The following RARB variants were observed in gnomAD, a reference collection of about 807,000 sequenced individuals.
RARB encodes retinoic acid receptor beta.
In RARB, 17 loss-of-function variants were observed where a neutral mutation model predicts 51.9. That is an observed-to-expected ratio of 0.33 (90% CI 0.22 to 0.49). RARB has a LOEUF of 0.49. RARB is among the 20% of genes least tolerant of loss of function. RARB has a pLI of 0.99. For missense variants in RARB, 369 were observed against 550.8 expected, an observed-to-expected ratio of 0.67 and a Z score of 3.30; for synonymous variants, 215 against 195.4, an observed-to-expected ratio of 1.10 and a Z score of -0.84.
chr3:25,033,760 G>GA (rs1559441555), intron 2 of RARB, among the ~76,000 whole-genome samples: 24 of 152,152 alleles, frequency 1.6e-4, no homozygotes, highest in Non-Finnish European at 3.4e-4. Flanking sequence ...ACACAGGGAA[G>GA]GGGATTCTTG....
exon 5 of RARB, chr3:25,174,522 A>G (rs770378252): frequency 3.7e-6 from 5 of 1,351,916 alleles, no homozygotes; most frequent in East Asian, 4.5e-5. Flanking sequence ...CCTCCCCTCC[A>G]TGGCCTTCAT....
chr3:25,086,508 G>A (rs572390179), intron 3 of RARB, among the ~76,000 whole-genome samples: 1 of 152,154 alleles, frequency 6.6e-6, no homozygotes, highest in African/African-American at 2.4e-5. Flanking sequence ...TATTTAAAGA[G>A]ATTTATTTTG....
chr3:25,308,107 A>C (rs1559352032), intron 5 of RARB, among the ~76,000 whole-genome samples: 1 of 152,218 alleles, frequency 6.6e-6, no homozygotes, highest in Non-Finnish European at 1.5e-5. Flanking sequence ...AGTGAGTGCA[A>C]GAGTAGATAC....
intron 2 of RARB, among the ~76,000 whole-genome samples, chr3:24,940,269 A>G (rs2125399535): frequency 6.6e-6 from 1 of 152,178 alleles, no homozygotes; most frequent in African/African-American, 2.4e-5. Flanking sequence ...CTATTCAGCC[A>G]TGGAAATAAT....
chr3:25,076,533 A>T (rs1698873614), intron 3 of RARB, among the ~76,000 whole-genome samples: 1 of 152,190 alleles, frequency 6.6e-6, no homozygotes, highest in African/African-American at 2.4e-5. Flanking sequence ...TTCTCTGCTG[A>T]CATTTTTAGT....
chr3:25,216,422 C>T (rs758406917), intron 5 of RARB, among the ~76,000 whole-genome samples: 31 of 152,238 alleles, frequency 2.0e-4, no homozygotes, highest in Non-Finnish European at 2.8e-4. Context: ...GGAATGAGTT[C>T]GTATCCTTTG....
intron 2 of RARB, among the ~76,000 whole-genome samples, chr3:24,878,665 G>C (rs1703097713): frequency 6.6e-6 from 1 of 152,092 alleles, no homozygotes; most frequent in Non-Finnish European, 1.5e-5. Context: ...CCCCCTAATT[G>C]TGATAACCAA....
chr3:25,445,475 G>A lies in RARB; in HGVS notation c.158-15718G>A, dbSNP rs373293206. 5.3e-5 allele frequency among the ~76,000 whole-genome samples: 8 copies of A among 152,048 alleles called. No homozygotes were observed. In the East Asian group the frequency reaches 1.6e-3, roughly 30 times the overall value. The stretch of plus-strand genomic sequence containing the variant: ...AGGTCAGGAGTTCAAGACCAGCCTG[G>A]CCAACATGGTGAAACCCTGTCTATA... On this transcript the variant is annotated intron_variant, in intron 1 of 7. Coordinates refer to ENST00000330688, the MANE Select transcript of RARB (RefSeq NM_000965.5).
intron 2 of RARB, among the ~76,000 whole-genome samples, chr3:24,889,377 A>G (rs1442496852): frequency 6.6e-6 from 1 of 152,326 alleles, no homozygotes; most frequent in Admixed American, 6.5e-5. Context: ...TTGACTTCTC[A>G]AAAAATGATG....
intron 2 of RARB, among the ~76,000 whole-genome samples, chr3:24,956,480 T>TA (rs1223872043): frequency 7.9e-5 from 12 of 152,298 alleles, no homozygotes; most frequent in Non-Finnish European, 1.0e-4. Flanking sequence ...GCTGATTTTT[T>TA]ATACTTTGAA....
At chr3:25,281,263 G>A (rs1413415804) in intron 5 of RARB, among the ~76,000 whole-genome samples, 2 of 152,138 alleles carry the variant, frequency 1.3e-5, no homozygotes, top group Non-Finnish European at 2.9e-5. Context: ...TAGTCACAAA[G>A]GGCCATCTCG....
chr3:25,487,840 T>A (rs1000622916), intron 2 of RARB, among the ~76,000 whole-genome samples: 2 of 152,224 alleles, frequency 1.3e-5, no homozygotes, highest in African/African-American at 4.8e-5. Context: ...TCTGTTCTAA[T>A]GTGCCTCTTG....
intron 3 of RARB, among the ~76,000 whole-genome samples, chr3:25,106,937 C>G (rs1253677263): frequency 1.3e-5 from 2 of 151,446 alleles, no homozygotes; most frequent in African/African-American, 4.9e-5. Context: ...GTCTCGCTGT[C>G]TTGCCCAGGC....
chr3:25,586,355 C>G (rs1342509615), intron 5 of RARB, among the ~76,000 whole-genome samples: 1 of 152,168 alleles, frequency 6.6e-6, no homozygotes, highest in Non-Finnish European at 1.5e-5. Context: ...CTCCCCCAGT[C>G]TGTTGTCTCA....
intron 2 of RARB, among the ~76,000 whole-genome samples, chr3:24,908,359 T>C (rs186756133): frequency 6.7e-4 from 102 of 152,276 alleles, no homozygotes; most frequent in African/African-American, 2.3e-3. Flanking sequence ...ACCAGTAGAA[T>C]CTACACTAGA....
chr3:24,920,511 T>A (rs951950318), intron 2 of RARB, among the ~76,000 whole-genome samples: 17 of 152,192 alleles, frequency 1.1e-4, no homozygotes, highest in African/African-American at 4.1e-4. Flanking sequence ...TTTTGGAAGT[T>A]AGGTTAAAAT....
At chr3:24,995,738 A>G (rs1301510362) in intron 2 of RARB, among the ~76,000 whole-genome samples, 1 of 151,958 alleles carries the variant, frequency 6.6e-6, no homozygotes, top group East Asian at 1.9e-4. Flanking sequence ...TGGTTTTTGT[A>G]CTTTATTGAT....
At chr3:24,996,887 C>T (rs1697051399) in intron 2 of RARB, among the ~76,000 whole-genome samples, 1 of 151,966 alleles carries the variant, frequency 6.6e-6, no homozygotes, top group Non-Finnish European at 1.5e-5. Flanking sequence ...TATAGCCAGT[C>T]CTGGAGAATA....
intron 5 of RARB, among the ~76,000 whole-genome samples, chr3:25,363,911 C>G (rs1706031214): frequency 2.0e-5 from 3 of 152,124 alleles, no homozygotes; most frequent in Non-Finnish European, 4.4e-5. Context: ...CATCTCGGGT[C>G]CCTGGCACTG....
Sources: allele counts gnomAD v4.1 joint callset (sites outside exome capture counted in the v4.1 genomes callset), GRCh38; gene constraint gnomAD v4.1.1; transcripts MANE v1.5; gene names NCBI Gene and HGNC (gene_info 2026-07-23, HGNC 2026-07-21).